Variants in HMCN1 observed in about 807,000 individuals in gnomAD.
The protein encoded by HMCN1 is hemicentin-1.
HMCN1 carries 321 observed loss-of-function variants against 625.9 expected under a neutral mutation model. The ratio of observed to expected loss-of-function variants is 0.51; its 90% CI spans 0.47 to 0.56. The LOEUF (loss-of-function observed/expected upper bound fraction) is 0.56, where lower values mean the gene tolerates loss of function less well. HMCN1 is among the 20% of genes least tolerant of loss of function. HMCN1 has a pLI of 0.00. For missense variants in HMCN1, 6,588 were observed against 6,887.3 expected (o/e 0.96, Z 1.54); for synonymous variants, 2,425 against 2,417.6 (o/e 1.00, Z -0.09).
intron 1 of HMCN1, among the ~76,000 whole-genome samples, chr1:185,751,224 C>T (rs1654793192): frequency 6.6e-6 from 1 of 152,044 alleles, no homozygotes; most frequent in Non-Finnish European, 1.5e-5. Flanking sequence ...AATAGGAAAT[C>T]CTTTTGGTCT....
At chr1:186,039,637 A>G in intron 38 of HMCN1, 91 bp from the exon 39 acceptor site, 3 of 1,358,106 alleles carry the variant, frequency 2.2e-6, no homozygotes, top group Non-Finnish European at 3.2e-6. Flanking sequence ...CAATAAGAAC[A>G]TAATATTGTA....
intron 11 of HMCN1, among the ~76,000 whole-genome samples, chr1:185,962,298 TATAAC>T (rs1650078154): frequency 6.6e-6 from 1 of 152,120 alleles, no homozygotes; most frequent in Admixed American, 6.5e-5. Context: ...AACACAAAAA[TATAAC>T]ATCGGGATCA....
chr1:186,105,058 C>G (rs894525950), intron 69 of HMCN1, among the ~76,000 whole-genome samples: 2 of 152,082 alleles, frequency 1.3e-5, no homozygotes, highest in African/African-American at 4.8e-5. Context: ...TATAAGAAAA[C>G]AAGATGAAGG....
intron 1 of HMCN1, among the ~76,000 whole-genome samples, chr1:185,742,840 T>C (rs1654077864): frequency 6.6e-6 from 1 of 152,228 alleles, no homozygotes; most frequent in Non-Finnish European, 1.5e-5. Context: ...CCTGAGGATA[T>C]GTAGAGGTGT....
At chr1:185,811,728 C>T (rs1381851311) in intron 1 of HMCN1, among the ~76,000 whole-genome samples, 1 of 135,162 alleles carries the variant, frequency 7.4e-6, no homozygotes, top group African/African-American at 2.9e-5. Flanking sequence ...TTCCCTTGCT[C>T]TAAAAAAAAA....
At chr1:186,011,267 G>A (rs1427149541) in intron 30 of HMCN1, among the ~76,000 whole-genome samples, 1 of 152,184 alleles carries the variant, frequency 6.6e-6, no homozygotes, top group South Asian at 2.1e-4. Context: ...GGATGGTCTC[G>A]AACTCCTGAC....
intron 9 of HMCN1, among the ~76,000 whole-genome samples, chr1:185,925,844 G>A (rs931149300): frequency 2.0e-5 from 3 of 152,186 alleles, no homozygotes; most frequent in Non-Finnish European, 4.4e-5. Context: ...GACTGGGCAT[G>A]TGGGAAAGAC....
chr1:185,782,194 G>T (rs1374297319), intron 1 of HMCN1, among the ~76,000 whole-genome samples: 2 of 151,918 alleles, frequency 1.3e-5, no homozygotes, highest in Non-Finnish European at 2.9e-5. Flanking sequence ...TTTTCCATTT[G>T]CTTGGTAGAT....
At chr1:185,974,940 T>C (rs1651090904) in intron 15 of HMCN1, among the ~76,000 whole-genome samples, 2 of 152,212 alleles carry the variant, frequency 1.3e-5, no homozygotes. Context: ...TTCTTAGTTC[T>C]GAAAATTGAA....
intron 4 of HMCN1, among the ~76,000 whole-genome samples, chr1:185,885,530 C>T (rs539605522): frequency 0.011 from 1,686 of 148,468 alleles, 36 homozygotes; most frequent in African/African-American, 0.034. Flanking sequence ...TTTTTTTTTC[C>T]TTTTCTCTAA....
intron 1 of HMCN1, among the ~76,000 whole-genome samples, chr1:185,744,759 T>A (rs1178381848): frequency 2.6e-5 from 4 of 152,160 alleles, no homozygotes; most frequent in Admixed American, 2.0e-4. Context: ...CTGAAGAAAG[T>A]GCATGAATAA....
At chr1:186,152,961 C>T in intron 96 of HMCN1, 90 bp downstream of exon 96, 5 of 1,516,562 alleles carry the variant, frequency 3.3e-6, no homozygotes, top group Non-Finnish European at 4.6e-6. Context: ...CTTGTTCACT[C>T]TGTGGGGGAA....
intron 63 of HMCN1, 41 bp from the exon 64 acceptor site, chr1:186,090,717 C>T: frequency 6.2e-7 from 1 of 1,603,910 alleles, no homozygotes; most frequent in Admixed American, 1.7e-5. Flanking sequence ...GAATTTATAT[C>T]CTGTGTCTTG....
At chr1:186,057,833 T>A (rs1356907372) in intron 46 of HMCN1, among the ~76,000 whole-genome samples, 2 of 151,992 alleles carry the variant, frequency 1.3e-5, no homozygotes, top group African/African-American at 2.4e-5. Context: ...CTAAAATGGG[T>A]AGTTTCCTGT....
At chr1:186,061,801 G>A (rs2102310089) in intron 46 of HMCN1, 50 bp from the exon 47 acceptor site, 1 of 1,335,268 alleles carries the variant, frequency 7.5e-7, no homozygotes, top group East Asian at 2.3e-5. Flanking sequence ...GGCTTATAAA[G>A]TTTCATTTTT....
chr1:186,083,273 G>T (rs991227304), intron 57 of HMCN1, among the ~76,000 whole-genome samples: 19 of 151,874 alleles, frequency 1.3e-4, no homozygotes, highest in African/African-American at 4.6e-4. Context: ...GCAAATACAG[G>T]TCTCCTACTC....
At chr1:186,075,558 A>G (rs1491004062) in intron 53 of HMCN1, among the ~76,000 whole-genome samples, 3 of 152,138 alleles carry the variant, frequency 2.0e-5, no homozygotes, top group African/African-American at 7.2e-5. Flanking sequence ...TGAATACTAA[A>G]TGAGATAAAG....
chr1:186,165,784 T>C (rs1450529812), intron 98 of HMCN1, among the ~76,000 whole-genome samples: 1 of 152,234 alleles, frequency 6.6e-6, no homozygotes, highest in Non-Finnish European at 1.5e-5. Context: ...CTGCCAGTAA[T>C]GACTTGTATG....
rs769844693 is a variant in HMCN1 at position 186,128,219 on chromosome 1, C to T, written c.12832C>T (p.Arg4278Ter). Residue 4278 changes from arginine (R) to a stop codon, truncating the protein, a stop_gained, in exon 83 of 107, where the codon CGA becomes TGA. Coordinates refer to ENST00000271588, the MANE Select transcript of HMCN1 (RefSeq NM_031935.3). LOFTEE classifies it high-confidence loss of function. ...GTCATTAAATAAAGGAGAACAGCTA[C>T]GATTAAGCTGTAAAGCTACTGGTAT... ...DVSLNKGEQLRLSCKATGIPL... is the reference protein window; with the variant it reads ...DVSLNKGEQL 19 of 1,613,300 alleles carry T rather than the reference C, an allele frequency of 1.2e-5. No individual in the cohort carries two copies. Among genetic ancestry groups the T allele is most frequent in the Non-Finnish European group, 1.6e-5 (19 of 1,179,572 alleles).
Sources: allele counts gnomAD v4.1 joint callset (sites outside exome capture counted in the v4.1 genomes callset), GRCh38; gene constraint gnomAD v4.1.1; transcripts MANE v1.5; gene names NCBI Gene and HGNC (gene_info 2026-07-23, HGNC 2026-07-21).